The following SCHIP1 variants were observed in gnomAD, a reference collection of about 807,000 sequenced individuals.
SCHIP1 encodes schwannomin interacting protein 1, also known as schwannomin-interacting protein 1.
Under a neutral mutation model 29.7 loss-of-function variants are expected in SCHIP1, and 8 were observed. That is an observed-to-expected ratio of 0.27 (90% confidence interval 0.16 to 0.49). The LOEUF (loss-of-function observed/expected upper bound fraction) is 0.49. SCHIP1 is among the 20% of genes least tolerant of loss of function. The pLI is 0.99. For synonymous variants in SCHIP1, 76 were observed against 94.9 expected, an observed-to-expected ratio of 0.80 and a Z score of 1.16; for missense variants, 193 against 294.6, an observed-to-expected ratio of 0.66 and a Z score of 2.52.
At chr3:159,600,596 A>AT in the SCHIP1 span, among the ~76,000 whole-genome samples, 12 of 152,164 alleles carry the variant, frequency 7.9e-5, no homozygotes, top group East Asian at 1.9e-3. Flanking sequence ...AATTTTTTGT[A>AT]TTTTTTTCAG....
chr3:159,819,030 C>G, the SCHIP1 span, among the ~76,000 whole-genome samples: 2 of 152,318 alleles, frequency 1.3e-5, no homozygotes, highest in East Asian at 3.9e-4. Flanking sequence ...TCTCATGACA[C>G]TTTAGGCAGA....
At chr3:159,859,116 G>A (rs970203316) in intron 1 of SCHIP1, among the ~76,000 whole-genome samples, 1 of 152,144 alleles carries the variant, frequency 6.6e-6, no homozygotes, top group African/African-American at 2.4e-5. Flanking sequence ...GCACTTCTCA[G>A]GGGATAAAAT....
chr3:159,475,812 A>T, the SCHIP1 span, among the ~76,000 whole-genome samples: 1 of 152,174 alleles, frequency 6.6e-6, no homozygotes, highest in Non-Finnish European at 1.5e-5. Context: ...TATAATTAGG[A>T]AAAGAAGCAT....
At chr3:159,403,579 C>A in the SCHIP1 span, among the ~76,000 whole-genome samples, 1 of 152,144 alleles carries the variant, frequency 6.6e-6, no homozygotes, top group East Asian at 1.9e-4. Context: ...CAGCTGGTGC[C>A]CACAGAGGGA....
chr3:159,855,344 A>G (rs1342912657), intron 1 of SCHIP1, among the ~76,000 whole-genome samples: 1 of 152,208 alleles, frequency 6.6e-6, no homozygotes, highest in East Asian at 1.9e-4. Context: ...AATATGAGGA[A>G]TAAGAAAATA....
At chr3:159,427,102 T>C in the SCHIP1 span, among the ~76,000 whole-genome samples, 879 of 152,182 alleles carry the variant, frequency 5.8e-3, 2 homozygotes, top group Middle Eastern at 0.01. Context: ...AAAACTGGAA[T>C]GGGCAAAAAC....
At chr3:159,513,343 T>A in the SCHIP1 span, among the ~76,000 whole-genome samples, 398 of 152,348 alleles carry the variant, frequency 2.6e-3, 2 homozygotes, top group African/African-American at 9.2e-3. Context: ...ATGCCTCAAA[T>A]ACCTTGTTAC....
the SCHIP1 span, among the ~76,000 whole-genome samples, chr3:159,509,582 G>T: frequency 2.6e-5 from 4 of 152,120 alleles, no homozygotes; most frequent in African/African-American, 7.2e-5. Flanking sequence ...TTACAATTTG[G>T]CATGTTTTTG....
the SCHIP1 span, among the ~76,000 whole-genome samples, chr3:159,427,052 T>C: frequency 6.6e-6 from 1 of 152,084 alleles, no homozygotes; most frequent in Admixed American, 6.5e-5. Context: ...ATAAGAGCTA[T>C]CTATGACAAA....
the SCHIP1 span, among the ~76,000 whole-genome samples, chr3:159,560,108 C>G: frequency 6.6e-6 from 1 of 152,186 alleles, no homozygotes; most frequent in Admixed American, 6.5e-5. Context: ...CATGTGATTA[C>G]TGGTCTCAGA....
At chr3:159,569,718 G>C in the SCHIP1 span, among the ~76,000 whole-genome samples, 1 of 152,128 alleles carries the variant, frequency 6.6e-6, no homozygotes, top group African/African-American at 2.4e-5. Context: ...GGCAATTCTT[G>C]TTCTAGATCC....
the SCHIP1 span, among the ~76,000 whole-genome samples, chr3:159,283,886 T>C: frequency 6.6e-6 from 1 of 152,212 alleles, no homozygotes. Context: ...CGATGAGTTA[T>C]GGTCTGTTCT....
the SCHIP1 span, among the ~76,000 whole-genome samples, chr3:159,641,385 G>A: frequency 2.0e-5 from 3 of 152,198 alleles, no homozygotes; most frequent in South Asian, 6.2e-4. Context: ...AATTATATTT[G>A]CATAGAGCTA....
At chr3:159,580,830 T>C in the SCHIP1 span, among the ~76,000 whole-genome samples, 1 of 152,178 alleles carries the variant, frequency 6.6e-6, no homozygotes, top group African/African-American at 2.4e-5. Context: ...GGTTATCTTT[T>C]CTAGAATCAA....
chr3:159,795,752 C>G, the SCHIP1 span, among the ~76,000 whole-genome samples: 1 of 152,046 alleles, frequency 6.6e-6, no homozygotes, highest in South Asian at 2.1e-4. Context: ...AGGAGATATT[C>G]CAGGCAGAGG....
chr3:159,837,500 A>G (rs1308293953), upstream of SCHIP1, among the ~76,000 whole-genome samples: 2 of 152,112 alleles, frequency 1.3e-5, no homozygotes, highest in East Asian at 3.9e-4. Context: ...AGGTGGTTGG[A>G]TCACCCAAGA....
At chr3:159,758,804 C>T in the SCHIP1 span, among the ~76,000 whole-genome samples, 1 of 152,346 alleles carries the variant, frequency 6.6e-6, no homozygotes, top group Admixed American at 6.5e-5. Context: ...ATACAGGGCA[C>T]AATCTGTGCA....
the SCHIP1 span, among the ~76,000 whole-genome samples, chr3:159,552,281 G>T: frequency 3.6e-3 from 543 of 151,962 alleles, 5 homozygotes; most frequent in African/African-American, 0.013. Context: ...CCCAACCCCA[G>T]GTGATCCACC....
chr3:159,633,836 A>C, the SCHIP1 span, among the ~76,000 whole-genome samples: 1 of 152,198 alleles, frequency 6.6e-6, no homozygotes. Context: ...CAGATATCTG[A>C]TGTGATGAAA....
Sources: allele counts gnomAD v4.1 joint callset (sites outside exome capture counted in the v4.1 genomes callset), GRCh38; gene constraint gnomAD v4.1.1; transcripts MANE v1.5; gene names NCBI Gene and HGNC (gene_info 2026-07-23, HGNC 2026-07-21).